KLHL1: variants seen among roughly 807,000 people sequenced by gnomAD.
The protein encoded by KLHL1 is kelch like family member 1, also known as kelch-like protein 1.
KLHL1 carries 47 observed loss-of-function variants against 77.7 expected under a neutral mutation model. The ratio of observed to expected loss-of-function variants is 0.60; its 90% CI spans 0.48 to 0.77. The LOEUF is 0.77. Among genes scored for constraint, KLHL1 ranks in the 30% least tolerant of loss-of-function variants. The pLI is 0.00. For missense variants in KLHL1, 925 were observed against 910.8 expected, an observed-to-expected ratio of 1.02 and a Z score of -0.20; for synonymous variants, 360 against 325.2, an observed-to-expected ratio of 1.11 and a Z score of -1.15.
intron 4 of KLHL1, among the ~76,000 whole-genome samples, chr13:69,890,017 T>A (rs1470613455): frequency 6.6e-6 from 1 of 152,068 alleles, no homozygotes; most frequent in Non-Finnish European, 1.5e-5. Flanking sequence ...TCTTTCTCTA[T>A]GCCTAGTATA....
intron 3 of KLHL1, among the ~76,000 whole-genome samples, chr13:69,947,027 GT>G (rs1333720396): frequency 1.0e-4 from 9 of 90,248 alleles, no homozygotes; most frequent in Admixed American, 1.5e-4. Flanking sequence ...GTGTGTGTGT[GT>G]TGTGTGTGTG....
At chr13:69,709,099 G>A (rs1307092101) in intron 9 of KLHL1, among the ~76,000 whole-genome samples, 1 of 151,888 alleles carries the variant, frequency 6.6e-6, no homozygotes, top group Non-Finnish European at 1.5e-5. Flanking sequence ...GTAAAATGAG[G>A]CGCTGGTCGA....
chr13:69,956,003 A>ATTTATATATATTTGATATATATT (rs1390746407), intron 3 of KLHL1, among the ~76,000 whole-genome samples: 23 of 116,518 alleles, frequency 2.0e-4, no homozygotes, highest in African/African-American at 7.0e-4. Context: ...TTTGATATAT[A>ATTTATATATATTTGATATATATT]TTTATATATA....
intron 5 of KLHL1, among the ~76,000 whole-genome samples, chr13:69,854,023 A>G (rs1879793925): frequency 2.0e-5 from 3 of 152,040 alleles, no homozygotes; most frequent in African/African-American, 7.2e-5. Context: ...CTATCCCAAG[A>G]AAAGATAATC....
chr13:70,078,586 A>G (rs1480851783), intron 1 of KLHL1, among the ~76,000 whole-genome samples: 1 of 152,098 alleles, frequency 6.6e-6, no homozygotes, highest in Non-Finnish European at 1.5e-5. Context: ...AAAGCCACTA[A>G]TAAGATCTGA....
chr13:69,710,676 A>T (rs1413755880), intron 9 of KLHL1, among the ~76,000 whole-genome samples: 1 of 152,166 alleles, frequency 6.6e-6, no homozygotes, highest in Non-Finnish European at 1.5e-5. Context: ...AAAATGAAAT[A>T]AGCAATCTAC....
intron 1 of KLHL1, among the ~76,000 whole-genome samples, chr13:70,050,202 T>A (rs1207648166): frequency 6.6e-6 from 1 of 151,846 alleles, no homozygotes; most frequent in South Asian, 2.1e-4. Flanking sequence ...ATACTTTATA[T>A]GTCATCAAAA....
At chr13:69,788,375 A>G (rs1244580662) in intron 7 of KLHL1, among the ~76,000 whole-genome samples, 5 of 152,156 alleles carry the variant, frequency 3.3e-5, no homozygotes, top group East Asian at 3.9e-4. Context: ...CATGGATGAA[A>G]CTGGAAACCA....
chr13:69,965,060 T>A (rs1170741689), intron 2 of KLHL1, among the ~76,000 whole-genome samples: 1 of 152,236 alleles, frequency 6.6e-6, no homozygotes, highest in Non-Finnish European at 1.5e-5. Flanking sequence ...ATTGGTATAT[T>A]CACAGCTTTT....
intron 8 of KLHL1, among the ~76,000 whole-genome samples, chr13:69,739,074 C>A (rs1477525170): frequency 2.6e-5 from 4 of 152,264 alleles, no homozygotes; most frequent in African/African-American, 9.6e-5. Context: ...CCCTATAAAC[C>A]AGAAGAGACT....
chr13:69,797,953 TAA>T (rs1877198658), intron 6 of KLHL1, among the ~76,000 whole-genome samples: 2 of 152,134 alleles, frequency 1.3e-5, no homozygotes, highest in Admixed American at 6.5e-5. Context: ...TTTTTACATA[TAA>T]GTTTGAGAAA....
chr13:69,934,593 T>C (rs1467808745), intron 4 of KLHL1, among the ~76,000 whole-genome samples: 3 of 152,066 alleles, frequency 2.0e-5, no homozygotes, highest in Non-Finnish European at 2.9e-5. Flanking sequence ...TTGTTCAAAA[T>C]GTTCAATGGC....
intron 9 of KLHL1, among the ~76,000 whole-genome samples, chr13:69,713,469 C>T (rs1364108066): frequency 6.6e-6 from 1 of 152,084 alleles, no homozygotes; most frequent in Non-Finnish European, 1.5e-5. Flanking sequence ...GTTTGGTGAG[C>T]ATTTTTTATA....
At chr13:69,864,986 G>A (rs1880315817) in intron 5 of KLHL1, among the ~76,000 whole-genome samples, 1 of 152,128 alleles carries the variant, frequency 6.6e-6, no homozygotes, top group Admixed American at 6.5e-5. Context: ...TTGCTCTGCT[G>A]TCCAGGCAGG....
rs1187952914 is a variant in KLHL1, at chr13:70,083,078, C to T, written c.497+24125G>A. Among the ~76,000 whole-genome samples the T allele has an allele frequency of 2.0e-5, 3 of 152,088 alleles. 1 individual carries two copies. In the East Asian group the frequency reaches 5.8e-4, roughly 29 times the overall value. ...TGAATTTGGTCTCTAACAATAGACT[C>T]CTCACTAAAGGAACTTCCCAAAGGT... On this transcript the variant is annotated intron_variant, in intron 1 of 10. Coordinates refer to ENST00000377844, the MANE Select transcript of KLHL1 (RefSeq NM_020866.3).
At chr13:69,843,020 T>A (rs1462400430) in intron 5 of KLHL1, among the ~76,000 whole-genome samples, 4 of 151,596 alleles carry the variant, frequency 2.6e-5, no homozygotes. Context: ...GAAAGACAGA[T>A]AACAGAGACT....
chr13:69,840,506 G>T (rs183651789), intron 5 of KLHL1, among the ~76,000 whole-genome samples: 1 of 152,026 alleles, frequency 6.6e-6, no homozygotes, highest in East Asian at 1.9e-4. Context: ...TTACAGGTGT[G>T]AGCCACTGTG....
At chr13:69,929,732 C>A (rs1052517110) in intron 4 of KLHL1, among the ~76,000 whole-genome samples, 5 of 151,584 alleles carry the variant, frequency 3.3e-5, no homozygotes, top group African/African-American at 9.7e-5. Flanking sequence ...CATTATTAGT[C>A]ATATTTTTGG....
At chr13:69,801,349 A>G (rs559587005) in intron 6 of KLHL1, among the ~76,000 whole-genome samples, 3 of 152,296 alleles carry the variant, frequency 2.0e-5, no homozygotes, top group Non-Finnish European at 4.4e-5. Flanking sequence ...TAAACATATA[A>G]TAATTTAAAT....
Sources: allele counts gnomAD v4.1 joint callset (sites outside exome capture counted in the v4.1 genomes callset), GRCh38; gene constraint gnomAD v4.1.1; transcripts MANE v1.5; gene names NCBI Gene and HGNC (gene_info 2026-07-23, HGNC 2026-07-21).